CADM2: variants seen among roughly 807,000 people sequenced by gnomAD.
CADM2 encodes immunoglobulin superfamily member 4D.
Under a neutral mutation model 49.8 loss-of-function variants are expected in CADM2, and 12 were observed. The observed-to-expected ratio is 0.24, with a 90% CI of 0.15 to 0.39. The LOEUF (loss-of-function observed/expected upper bound fraction) is 0.39. Among genes scored for constraint, CADM2 ranks in the 10% least tolerant of loss-of-function variants. The pLI is 1.00. For missense variants in CADM2, 378 were observed against 492.3 expected, an observed-to-expected ratio of 0.77 and a Z score of 2.20; for synonymous variants, 214 against 175.4, an observed-to-expected ratio of 1.22 and a Z score of -1.74.
At chr3:85,735,311 A>G (rs2068091327) in intron 2 of CADM2, among the ~76,000 whole-genome samples, 1 of 152,148 alleles carries the variant, frequency 6.6e-6, no homozygotes, top group African/African-American at 2.4e-5. Context: ...AATGGAAACA[A>G]TCCAAGAAGA....
intron 1 of CADM2, among the ~76,000 whole-genome samples, chr3:85,423,109 C>T (rs1025211593): frequency 6.6e-6 from 1 of 151,998 alleles, no homozygotes; most frequent in Non-Finnish European, 1.5e-5. Context: ...AAATGATCTT[C>T]CCCCGGAGTT....
At chr3:85,581,675 T>G (rs2062802485) in intron 1 of CADM2, among the ~76,000 whole-genome samples, 1 of 152,148 alleles carries the variant, frequency 6.6e-6, no homozygotes, top group Admixed American at 6.6e-5. Flanking sequence ...TGAAGCTGAA[T>G]AAACTTGCTC....
At chr3:85,492,030 T>G (rs893752923) in intron 1 of CADM2, among the ~76,000 whole-genome samples, 1 of 151,794 alleles carries the variant, frequency 6.6e-6, no homozygotes, top group Non-Finnish European at 1.5e-5. Flanking sequence ...GAAAAGAAAA[T>G]TGCTCTTTTC....
At chr3:85,337,036 TA>T (rs1251384099) in intron 1 of CADM2, among the ~76,000 whole-genome samples, 204 of 138,892 alleles carry the variant, frequency 1.5e-3, no homozygotes, top group Non-Finnish European at 2.5e-3. Flanking sequence ...TATAAATATA[TA>T]TATATAAATA....
intron 8 of CADM2, among the ~76,000 whole-genome samples, chr3:86,064,829 G>T (rs1242195259): frequency 6.6e-6 from 1 of 152,200 alleles, no homozygotes; most frequent in Non-Finnish European, 1.5e-5. Flanking sequence ...GAACATGAAA[G>T]TATATTATTA....
chr3:85,967,235 T>C (rs966122138), intron 8 of CADM2, among the ~76,000 whole-genome samples: 1 of 151,670 alleles, frequency 6.6e-6, no homozygotes, highest in Admixed American at 6.6e-5. Context: ...TCTTCCATCC[T>C]GGGTAGTGAT....
intron 1 of CADM2, among the ~76,000 whole-genome samples, chr3:85,108,892 T>G (rs989734397): frequency 3.3e-5 from 5 of 152,044 alleles, no homozygotes; most frequent in African/African-American, 9.7e-5. Flanking sequence ...AAGCAATTCT[T>G]TAAAGCTTGT....
chr3:85,769,528 T>G (rs1454130358), intron 2 of CADM2, among the ~76,000 whole-genome samples: 1 of 107,870 alleles, frequency 9.3e-6, no homozygotes, highest in Admixed American at 1.1e-4. Context: ...TATACATATA[T>G]GTATATATAC....
Position 85,472,065 on chromosome 3 carries a change from C to T in CADM2, c.62-254457C>T, listed in dbSNP as rs2038794204. 3.3e-5 allele frequency among the ~76,000 whole-genome samples: 5 copies of T among 151,950 alleles called. No homozygotes were observed. In the South Asian group the frequency reaches 1.0e-3, roughly 31 times the overall value. On this transcript the variant is annotated intron_variant, in intron 1 of 9. Transcript: ENST00000383699. ...TAACTTGATGAAAGAAGCTTGAAGT[C>T]TATCTAAAGTATTCCAGACTTTTCT...
chr3:85,709,387 A>T (rs934863964), intron 1 of CADM2, among the ~76,000 whole-genome samples: 1 of 152,110 alleles, frequency 6.6e-6, no homozygotes, highest in East Asian at 1.9e-4. Flanking sequence ...TAGTGACACC[A>T]TATTACACTG....
chr3:85,087,851 A>G (rs1254925133), intron 1 of CADM2, among the ~76,000 whole-genome samples: 1 of 152,168 alleles, frequency 6.6e-6, no homozygotes, highest in Non-Finnish European at 1.5e-5. Flanking sequence ...TAACAGCTAA[A>G]AAACTGCCCC....
rs1488209124 is a variant in CADM2 at position 86,074,157 on chromosome 3, T to C, written c.*7374T>C. 1 of 151,972 alleles carries C rather than the reference T, an allele frequency of 6.6e-6. No homozygotes were observed. Among genetic ancestry groups the C allele is most frequent in the Non-Finnish European group, 1.5e-5 (1 of 67,866 alleles). 9.4% of individuals were successfully genotyped at this position (151,972 alleles called of 1,614,324 possible). A position where few individuals can be genotyped will look rare whatever the true frequency, so the allele number is the denominator to read the frequency against. ...AACCTTCACACTCTAACCAGTATTA[T>C]ATATTTCAGCTACCTAAGATAATGC... is the stretch of plus-strand genomic sequence containing the variant. On this transcript the variant is annotated 3_prime_UTR_variant, in exon 10 of 10. Transcript: ENST00000383699.
chr3:85,417,056 T>C (rs949578028), intron 1 of CADM2, among the ~76,000 whole-genome samples: 8 of 152,020 alleles, frequency 5.3e-5, no homozygotes, highest in Non-Finnish European at 1.0e-4. Flanking sequence ...TATCCTAACA[T>C]GTAGAAAAAT....
intron 8 of CADM2, among the ~76,000 whole-genome samples, chr3:85,990,013 C>CAAAAAAAAAAAAAAAAAAAAAAAAAA (rs58178176): frequency 1.0e-4 from 1 of 9,638 alleles, no homozygotes; most frequent in African/African-American, 2.6e-4. Context: ...ACTCCATGTC[C>CAAAAAAAAAAAAAAAAAAAAAAAAAA]AAAAAAAAAA....
rs1051608646 is a variant in CADM2, at chr3:85,599,434, A to T, written c.62-127088A>T. Among the ~76,000 whole-genome samples, 3 of 152,034 alleles carry T rather than the reference A, an allele frequency of 2.0e-5. No homozygotes were observed. In the Admixed American group the frequency reaches 2.0e-4, roughly 10 times the overall value. Reference sequence around the variant, plus strand: ...AGTGTTAGCCATCGAGCACAAGGTCACACAGCTGGTAGCAGAGCTCGAACT... The same window carrying T: ...AGTGTTAGCCATCGAGCACAAGGTCTCACAGCTGGTAGCAGAGCTCGAACT... On this transcript the variant is annotated intron_variant, in intron 1 of 9. Transcript: ENST00000383699.
rs11713623 is a variant in CADM2, at chr3:85,530,271, C to T, written c.62-196251C>T. Among the ~76,000 whole-genome samples, 16 of 150,876 alleles carry T rather than the reference C, an allele frequency of 1.1e-4. No individual in the cohort carries two copies. In the East Asian group the frequency reaches 1.6e-3, roughly 15 times the overall value. The stretch of plus-strand genomic sequence containing the variant: ...ATGATTGTAAACTCCCAGAGGCCTT[C>T]GCAGCCATGTGGAAATGTGGAACTG... On this transcript the variant is annotated intron_variant, in intron 1 of 9. Transcript: ENST00000383699.
intron 1 of CADM2, among the ~76,000 whole-genome samples, chr3:85,483,737 G>A (rs2107632296): frequency 6.6e-6 from 1 of 150,946 alleles, no homozygotes; most frequent in Non-Finnish European, 1.5e-5. Flanking sequence ...TATATTTGAT[G>A]TTATATAATG....
At chr3:85,778,972 G>A (rs1470373524) in intron 2 of CADM2, among the ~76,000 whole-genome samples, 1 of 152,190 alleles carries the variant, frequency 6.6e-6, no homozygotes, top group East Asian at 1.9e-4. Context: ...CCTGCCAAAT[G>A]TAAGTGACAG....
intron 1 of CADM2, among the ~76,000 whole-genome samples, chr3:85,370,325 G>C (rs1056295561): frequency 6.6e-6 from 1 of 151,626 alleles, no homozygotes; most frequent in Admixed American, 6.6e-5. Context: ...CAAAGGCTGA[G>C]GCAGGAGAAT....
Sources: gnomAD v4.1 joint callset for allele counts (sites outside exome capture counted in the v4.1 genomes callset) on GRCh38, gnomAD v4.1.1 for gene constraint, MANE v1.5 for transcripts, NCBI Gene and HGNC (gene_info 2026-07-23, HGNC 2026-07-21) for gene names.